RNF2: variants seen among roughly 807,000 people sequenced by gnomAD.
RNF2 encodes E3 ubiquitin-protein ligase RING2.
Under a neutral mutation model 37.2 loss-of-function variants are expected in RNF2, and 6 were observed. That is an observed-to-expected ratio of 0.16 (90% confidence interval 0.09 to 0.32). The LOEUF is 0.32. RNF2 is among the 10% of genes least tolerant of loss of function. The pLI, the probability that RNF2 is intolerant of heterozygous loss-of-function variation, is 1.00. For synonymous variants in RNF2, 133 were observed against 132.7 expected (o/e 1.00, Z -0.02); for missense variants, 251 against 404.0 (o/e 0.62, Z 3.25).
At chr1:185,089,587 TTATATA>T (rs897560391) in intron 2 of RNF2, among the ~76,000 whole-genome samples, 119 of 152,138 alleles carry the variant, frequency 7.8e-4, no homozygotes, top group African/African-American at 2.8e-3. Flanking sequence ...GATATGATAA[TTATATA>T]TATATGGCCC....
chr1:185,098,916 T>TA (rs1237169497), intron 5 of RNF2, among the ~76,000 whole-genome samples: 1 of 151,460 alleles, frequency 6.6e-6, no homozygotes, highest in African/African-American at 2.4e-5. Context: ...CAAGCCCAGC[T>TA]AATTTTTGTA....
intron 1 of RNF2, among the ~76,000 whole-genome samples, chr1:185,077,642 T>G (rs1382489511): frequency 6.7e-6 from 1 of 149,328 alleles, no homozygotes; most frequent in Non-Finnish European, 1.5e-5. Context: ...TTTTTTTGGC[T>G]AGAAATTTAG....
chr1:185,077,080 C>A (rs938885623), intron 1 of RNF2, among the ~76,000 whole-genome samples: 1 of 151,958 alleles, frequency 6.6e-6, no homozygotes, highest in Non-Finnish European at 1.5e-5. Context: ...TGAATGGGAT[C>A]TTTTAAAAAA....
At chr1:185,074,770 A>G (rs1571309896) in intron 1 of RNF2, among the ~76,000 whole-genome samples, 1 of 152,210 alleles carries the variant, frequency 6.6e-6, no homozygotes, top group South Asian at 2.1e-4. Context: ...ACAATTATTT[A>G]CATAGCGTTT....
At chr1:185,054,732 C>T (rs904950905) in intron 1 of RNF2, among the ~76,000 whole-genome samples, 1 of 152,152 alleles carries the variant, frequency 6.6e-6, no homozygotes, top group Non-Finnish European at 1.5e-5. Flanking sequence ...GACAGGGTCT[C>T]TTTCGCCGGG....
At chr1:185,058,032 G>A (rs142378458) in intron 1 of RNF2, among the ~76,000 whole-genome samples, 1 of 152,232 alleles carries the variant, frequency 6.6e-6, no homozygotes, top group East Asian at 1.9e-4. Context: ...GGTTGAGGTG[G>A]GAACATCACC....
chr1:185,089,440 C>T (rs1388442175), intron 2 of RNF2, among the ~76,000 whole-genome samples: 1 of 152,086 alleles, frequency 6.6e-6, no homozygotes, highest in East Asian at 1.9e-4. Flanking sequence ...GGAGCCAATC[C>T]CCCATGGATA....
At chr1:185,093,029 G>A in intron 3 of RNF2, 32 bp from the exon 4 acceptor site, 1 of 1,599,514 alleles carries the variant, frequency 6.3e-7, no homozygotes, top group South Asian at 1.1e-5. Flanking sequence ...TACTAGCATT[G>A]TTTACATTTG....
At chr1:185,083,482 C>T (rs1651489150) in intron 1 of RNF2, among the ~76,000 whole-genome samples, 1 of 152,028 alleles carries the variant, frequency 6.6e-6, no homozygotes, top group South Asian at 2.1e-4. Flanking sequence ...TTTCTCATGT[C>T]TCTCCCCTCC....
intron 1 of RNF2, among the ~76,000 whole-genome samples, chr1:185,085,856 T>A (rs551092199): frequency 1.3e-5 from 2 of 152,222 alleles, no homozygotes; most frequent in East Asian, 3.9e-4. Flanking sequence ...TTCACCATGT[T>A]GGCCAGGCTG....
intron 1 of RNF2, among the ~76,000 whole-genome samples, chr1:185,072,664 T>C (rs1298202134): frequency 6.6e-6 from 1 of 151,990 alleles, no homozygotes; most frequent in Non-Finnish European, 1.5e-5. Flanking sequence ...GGCTAAAACA[T>C]ACTGAACAGC....
chr1:185,062,303 T>C (rs1402478782), intron 1 of RNF2, among the ~76,000 whole-genome samples: 2 of 152,230 alleles, frequency 1.3e-5, no homozygotes, highest in African/African-American at 2.4e-5. Context: ...TAGGAAGTTA[T>C]AGTGTATTAA....
intron 4 of RNF2, among the ~76,000 whole-genome samples, chr1:185,096,986 TTTC>T (rs1047653234): frequency 2.6e-5 from 4 of 152,318 alleles, no homozygotes; most frequent in African/African-American, 9.6e-5. Flanking sequence ...ATATTCCTTT[TTTC>T]TTATCTATAC....
chr1:185,102,352 A>G lies in RNF2; in HGVS notation c.*2051A>G, dbSNP rs541110494. The G allele has an allele frequency of 1.8e-4, 28 of 152,312 alleles. No individual in the cohort carries two copies. In the East Asian group the frequency reaches 4.4e-3, roughly 24 times the overall value. 9.4% of individuals were successfully genotyped at this position (152,312 alleles called of 1,614,324 possible). On this transcript the variant is annotated 3_prime_UTR_variant, in exon 7 of 7. Coordinates refer to ENST00000367510, the MANE Select transcript of RNF2 (RefSeq NM_007212.4). ...TACCTAAGTAATTTCTTTTATCACT[A>G]TCTCAACTGAGGAAGAAAAGGCTCA...
At chr1:185,069,039 C>G (rs1451498344) in intron 1 of RNF2, among the ~76,000 whole-genome samples, 1 of 152,124 alleles carries the variant, frequency 6.6e-6, no homozygotes, top group Non-Finnish European at 1.5e-5. Context: ...GCTGCCTTCT[C>G]CCTCATAACT....
At chr1:185,046,614 CTT>C (rs1650130746) in intron 1 of RNF2, among the ~76,000 whole-genome samples, 1 of 152,138 alleles carries the variant, frequency 6.6e-6, no homozygotes, top group African/African-American at 2.4e-5. Flanking sequence ...GAGAATGTAA[CTT>C]TACATTGTAA....
chr1:185,049,808 T>C (rs974419007), intron 1 of RNF2, among the ~76,000 whole-genome samples: 2 of 152,190 alleles, frequency 1.3e-5, no homozygotes, highest in Admixed American at 6.5e-5. Flanking sequence ...TATAAAGGCA[T>C]GTGTTATTGC....
intron 1 of RNF2, among the ~76,000 whole-genome samples, chr1:185,074,324 T>A (rs966581950): frequency 6.6e-6 from 1 of 152,128 alleles, no homozygotes. Context: ...ATCTCCAAAC[T>A]CTTTTCCCTC....
intron 1 of RNF2, among the ~76,000 whole-genome samples, chr1:185,062,535 T>C (rs1650638401): frequency 1.3e-5 from 2 of 152,120 alleles, no homozygotes; most frequent in Admixed American, 6.6e-5. Context: ...CTATCCTCTT[T>C]ACATGTAAAA....
Sources: allele counts gnomAD v4.1 joint callset (sites outside exome capture counted in the v4.1 genomes callset), GRCh38; gene constraint gnomAD v4.1.1; transcripts MANE v1.5; gene names NCBI Gene and HGNC (gene_info 2026-07-23, HGNC 2026-07-21).